The following ZNF615 variants were observed in gnomAD, a reference collection of about 807,000 sequenced individuals.
ZNF615 encodes zinc finger protein 615.
A neutral mutation model predicts 15.3 loss-of-function variants in ZNF615; 15 were observed. The ratio of observed to expected loss-of-function variants is 0.98; its 90% CI spans 0.66 to 1.51. The LOEUF is 1.51. ZNF615 is among the 40% of genes most tolerant of loss of function. The probability of loss-of-function intolerance (pLI) is 0.00; values close to 1 mark genes in which losing one functional copy is unlikely to be tolerated. For synonymous variants in ZNF615, 268 were observed against 294.6 expected (o/e 0.91, Z 0.92); for missense variants, 848 against 895.9 (o/e 0.95, Z 0.68).
rs1468198352 is a variant in ZNF615, at chr19:51,993,877, T to C, written c.1232A>G (p.Tyr411Cys). ...GCCTTTTCCACATTCACTACATGTA[T>C]ATAATTTCTCTCCTGTATGAGTTTG... The part of the protein sequence containing the change: ...HQQTHTGEKL[Y>C]TCSECGKGFS... Residue 411 changes from tyrosine (Y) to cysteine (C), a missense_variant, in exon 7 of 7, where the codon TAT becomes TGT. Coordinates refer to ENST00000598071, the MANE Select transcript of ZNF615 (RefSeq NM_001199324.2). The C allele has an allele frequency of 1.2e-6, 2 of 1,614,088 alleles. No homozygotes were observed. The highest frequency in any genetic ancestry group is 1.7e-6 in the Non-Finnish European group (2 of 1,180,032).
chr19:51,996,778 C>T (rs1054552673), intron 6 of ZNF615, among the ~76,000 whole-genome samples: 14 of 152,280 alleles, frequency 9.2e-5, no homozygotes, highest in East Asian at 3.9e-4. Flanking sequence ...ATGAACCATA[C>T]GCTGACTATT....
chr19:52,007,994 C>T, intron 1 of ZNF615, 147 bp downstream of exon 1: 1 of 714,248 alleles, frequency 1.4e-6, no homozygotes, highest in Non-Finnish European at 2.3e-6. Flanking sequence ...ATCGGACCCA[C>T]GCTAAGCTCC....
At chr19:52,001,660 C>A in intron 5 of ZNF615, 153 bp downstream of exon 5, 1 of 597,810 alleles carries the variant, frequency 1.7e-6, no homozygotes, top group Non-Finnish European at 3.0e-6. Context: ...GCATATTTTC[C>A]ATACTATAAC....
intron 6 of ZNF615, among the ~76,000 whole-genome samples, chr19:51,996,396 A>AAAAAAAAAAAAAAAAC (rs2086434247): frequency 6.8e-6 from 1 of 146,348 alleles, no homozygotes; most frequent in African/African-American, 2.6e-5. Context: ...AAAAAAAAAA[A>AAAAAAAAAAAAAAAAC]AAAAAAAAAA....
Position 52,002,262 on chromosome 19 carries a change from T to A in ZNF615, c.35A>T (p.Asp12Val). 6.2e-7 allele frequency: 1 copy of A among 1,614,200 alleles called. No individual in the cohort carries two copies. The highest frequency in any genetic ancestry group is 1.1e-5 in the South Asian group (1 of 91,082). Residue 12 changes from aspartate (D) to valine (V), a missense_variant, in exon 4 of 7, where the codon GAT becomes GTT. Asp to Val is a radical substitution (Grantham distance 152). Coordinates refer to ENST00000598071, the MANE Select transcript of ZNF615 (RefSeq NM_001199324.2). ...CTCCCAGGTGAAGTCCACAGCCACA[T>A]CCTCCAGTGTTAGGGATTCCTGTAA... ...MQAQESLTLEDVAVDFTWEEW... is the reference protein window; with the variant it reads ...MQAQESLTLEVVAVDFTWEEW...
intron 6 of ZNF615, among the ~76,000 whole-genome samples, chr19:51,997,309 A>T (rs1161662897): frequency 2.0e-5 from 3 of 152,162 alleles, no homozygotes; most frequent in African/African-American, 7.2e-5. Flanking sequence ...TAAAGAAAAG[A>T]AATCATAAAT....
Position 52,002,249 on chromosome 19 carries a change from G to C in ZNF615, c.48C>G (p.Asp16Glu), listed in dbSNP as rs564538484. The C allele has an allele frequency of 6.2e-7, 1 of 1,614,194 alleles. No individual in the cohort carries two copies. The highest frequency in any genetic ancestry group is 1.3e-5 in the African/African-American group (1 of 75,046). ...GGAACTGCCACTCCTCCCAGGTGAA[G>C]TCCACAGCCACATCCTCCAGTGTTA... ...ESLTLEDVAV[D>E]FTWEEWQFLS... Residue 16 changes from aspartate (D) to glutamate (E), a missense_variant, in exon 4 of 7, where the codon GAC (aspartate) becomes GAG (glutamate). Coordinates refer to ENST00000598071, the MANE Select transcript of ZNF615 (RefSeq NM_001199324.2).
Position 51,994,253 on chromosome 19 carries a change from G to C in ZNF615, c.856C>G (p.Leu286Val). The change falls in exon 7 of 7, where the codon CTC (leucine) becomes GTC (valine). Residue 286 changes from leucine to valine, a missense_variant. Coordinates refer to ENST00000598071, the MANE Select transcript of ZNF615 (RefSeq NM_001199324.2). Reference sequence around the variant, plus strand: ...ATATGAGTTTTCTGATGTATATTGAGCTGTGATTTCTTGAGGAAGGTTTTG... The same window carrying C: ...ATATGAGTTTTCTGATGTATATTGACCTGTGATTTCTTGAGGAAGGTTTTG... ...CDKTFLKKSQLNIHQKTHMGG... is the reference protein window; with the variant it reads ...CDKTFLKKSQVNIHQKTHMGG... 6.2e-7 allele frequency: 1 copy of C among 1,614,076 alleles called. No individual in the cohort carries two copies. Among genetic ancestry groups the C allele is most frequent in the Non-Finnish European group, 8.5e-7 (1 of 1,180,010 alleles).
Position 52,003,765 on chromosome 19 carries a change from T to A in ZNF615, c.-54A>T. 1 of 1,599,042 alleles carries A rather than the reference T, an allele frequency of 6.3e-7. No homozygotes were observed. Among genetic ancestry groups the A allele is most frequent in the Non-Finnish European group, 8.5e-7 (1 of 1,174,390 alleles). ...AACTTGGACGTTCTGTATTTGTCTCTTCTGAATCAGCTCTAAATTTCGGTT... is the reference window on the plus strand; with the variant it reads ...AACTTGGACGTTCTGTATTTGTCTCATCTGAATCAGCTCTAAATTTCGGTT... On this transcript the variant is annotated 5_prime_UTR_variant, in exon 3 of 7. In the 5' UTR this introduces an upstream ATG that the reference lacks. Transcript: ENST00000598071.
In ZNF615 at chr19:52,007,850, G is replaced by A. The variant is rs1327376551; in HGVS notation, c.-228+291C>T. ...CACCAAAGACACCAGAATGTGACTT[G>A]GGCACTCAGTAGCGGATCTCTAGAG... On this transcript the variant is annotated intron_variant, in intron 1 of 6. Transcript: ENST00000598071. 4.5e-5 allele frequency: 18 copies of A among 403,408 alleles called. No homozygotes were observed. In the South Asian group the frequency reaches 8.6e-4, roughly 19 times the overall value. The allele number at this position is 403,408 out of a possible 1,614,324, so 25.0% of individuals were successfully genotyped here.
At chr19:51,996,385 CAAAAA>C (rs1172310589) in intron 6 of ZNF615, among the ~76,000 whole-genome samples, 4 of 33,326 alleles carry the variant, frequency 1.2e-4, no homozygotes, top group South Asian at 1.9e-3. Flanking sequence ...GACTCTGTCT[CAAAAA>C]AAAAAAAAAA....
Position 51,991,456 on chromosome 19 carries a change from C to T in ZNF615, c.*1424G>A, listed in dbSNP as rs1367187779. On this transcript the variant is annotated 3_prime_UTR_variant, in exon 7 of 7. Transcript: ENST00000598071. Reference sequence around the variant, plus strand: ...ATTCGTATCATAGATTATTAGTGGCCAATAAAAACAGAACAATGATATGCA... The same window carrying T: ...ATTCGTATCATAGATTATTAGTGGCTAATAAAAACAGAACAATGATATGCA... The T allele has an allele frequency of 6.6e-6, 1 of 152,092 alleles. No individual in the cohort carries two copies. The highest frequency in any genetic ancestry group is 1.5e-5 in the Non-Finnish European group (1 of 68,020). The allele number at this position is 152,092 out of a possible 1,614,324, so 9.4% of individuals were successfully genotyped here.
intron 6 of ZNF615, among the ~76,000 whole-genome samples, chr19:51,995,788 T>TTTTGAA (rs58605430): frequency 0.18 from 27,888 of 151,496 alleles, 2,697 homozygotes; most frequent in South Asian, 0.27. Flanking sequence ...TCTAGGCTGG[T>TTTTGAA]CTCACAAGCT....
rs200443239 is a variant in ZNF615, at chr19:51,992,433, G to A, written c.*447C>T. ...TCTTCTACATTGAATGTTTTCATAA[G>A]TTTTTTCTGCATTATTTCCTAGCAC... On this transcript the variant is annotated 3_prime_UTR_variant, in exon 7 of 7. Coordinates refer to ENST00000598071, the MANE Select transcript of ZNF615 (RefSeq NM_001199324.2). 1 of 153,928 alleles carries A rather than the reference G, an allele frequency of 6.5e-6. No homozygotes were observed. Among genetic ancestry groups the A allele is most frequent in the Non-Finnish European group, 1.4e-5 (1 of 69,552 alleles). The allele number at this position is 153,928 out of a possible 1,614,324, so 9.5% of individuals were successfully genotyped here.
chr19:51,994,174 C>G lies in ZNF615; in HGVS notation c.935G>C (p.Cys312Ser), dbSNP rs2086345454. 6.2e-7 allele frequency: 1 copy of G among 1,613,954 alleles called. No homozygotes were observed. The highest frequency in any genetic ancestry group is 8.5e-7 in the Non-Finnish European group (1 of 1,180,012). The change falls in exon 7 of 7, where the codon TGT becomes TCT. Residue 312 changes from cysteine (C) to serine (S), a missense_variant. Transcript: ENST00000598071. The stretch of plus-strand genomic sequence containing the variant: ...AGTTCGTTGATGATAAATGAGCCGA[C>G]ACTTCTTGATGAAGGCTTTCCCACA... ...SQCGKAFIKK[C>S]RLIYHQRTHT...
At chr19:52,006,030 G>A (rs1233987941) in intron 2 of ZNF615, among the ~76,000 whole-genome samples, 1 of 152,126 alleles carries the variant, frequency 6.6e-6, no homozygotes, top group Non-Finnish European at 1.5e-5. Context: ...GCCAATAAAG[G>A]TATACCTGGT....
At chr19:51,998,036 C>G (rs1486046374) in intron 6 of ZNF615, among the ~76,000 whole-genome samples, 1 of 151,996 alleles carries the variant, frequency 6.6e-6, no homozygotes, top group Non-Finnish European at 1.5e-5. Context: ...TGTAGCAGTT[C>G]CCTCTCCTCC....
Position 51,992,846 on chromosome 19 carries a change from G to T in ZNF615, c.*34C>A. ...TACTCTTCTTTGCAGATATCTTAAG[G>T]GCCTACATCTGGCAAGAGGCTTTCC... On this transcript the variant is annotated 3_prime_UTR_variant, in exon 7 of 7. Coordinates refer to ENST00000598071, the MANE Select transcript of ZNF615 (RefSeq NM_001199324.2). 1 of 1,605,306 alleles carries T rather than the reference G, an allele frequency of 6.2e-7. No individual in the cohort carries two copies. Among genetic ancestry groups the T allele is most frequent in the Non-Finnish European group, 8.5e-7 (1 of 1,174,132 alleles).
chr19:51,992,747 C>T lies in ZNF615; in HGVS notation c.*133G>A, dbSNP rs1037977804. On this transcript the variant is annotated 3_prime_UTR_variant, in exon 7 of 7. Transcript: ENST00000598071. ...AAAATATTTTCTCAAATGTTTTGTA[C>T]ATGTTTTCTCTGACACAAAACATGA... is the stretch of plus-strand genomic sequence containing the variant. 2.8e-6 allele frequency: 3 copies of T among 1,083,780 alleles called. No homozygotes were observed. The highest frequency in any genetic ancestry group is 1.6e-5 in the African/African-American group (1 of 62,714). The allele number at this position is 1,083,780 out of a possible 1,614,324, so 67.1% of individuals were successfully genotyped here.
Sources: gnomAD v4.1 joint callset for allele counts (sites outside exome capture counted in the v4.1 genomes callset) on GRCh38, gnomAD v4.1.1 for gene constraint, MANE v1.5 for transcripts, NCBI Gene and HGNC (gene_info 2026-07-23, HGNC 2026-07-21) for gene names.